WDR49: variants seen among roughly 807,000 people sequenced by gnomAD.
WDR49 encodes the protein WD repeat domain 49.
WDR49 carries 107 observed loss-of-function variants against 119.5 expected under a neutral mutation model. The observed-to-expected ratio is 0.90, with a 90% CI of 0.77 to 1.05. The LOEUF is 1.05. WDR49 is among the 50% of genes least tolerant of loss of function. The probability of loss-of-function intolerance (pLI) is 0.00; values close to 1 mark genes in which losing one functional copy is unlikely to be tolerated. For synonymous variants in WDR49, 425 were observed against 418.8 expected, an observed-to-expected ratio of 1.01 and a Z score of -0.18; for missense variants, 1,240 against 1,220.5, an observed-to-expected ratio of 1.02 and a Z score of -0.24.
chr3:167,534,151 C>T (rs1369211440), intron 11 of WDR49, among the ~76,000 whole-genome samples: 1 of 151,954 alleles, frequency 6.6e-6, no homozygotes, highest in African/African-American at 2.4e-5. Flanking sequence ...GCCGAGATTA[C>T]ACCATTGCAC....
At chr3:167,483,584 C>G (rs1220959756) in intron 18 of WDR49, among the ~76,000 whole-genome samples, 1 of 151,952 alleles carries the variant, frequency 6.6e-6, no homozygotes, top group Admixed American at 6.6e-5. Flanking sequence ...TGGTAGCTCT[C>G]TTTAGAAAAA....
intron 18 of WDR49, among the ~76,000 whole-genome samples, chr3:167,490,325 G>T (rs926819790): frequency 1.3e-5 from 2 of 152,052 alleles, no homozygotes; most frequent in African/African-American, 4.8e-5. Context: ...TGTGAATTTT[G>T]AGATAATTTA....
At chr3:167,535,748 A>G (rs1194986743) in intron 11 of WDR49, among the ~76,000 whole-genome samples, 1 of 152,174 alleles carries the variant, frequency 6.6e-6, no homozygotes. Flanking sequence ...AAGGAAATGA[A>G]ATCAGCATGT....
chr3:167,649,152 A>G (rs1718260162), intron 2 of WDR49, among the ~76,000 whole-genome samples: 1 of 152,086 alleles, frequency 6.6e-6, no homozygotes. Flanking sequence ...GGCAAGAAGG[A>G]AGATATAAGA....
At chr3:167,606,140 G>A (rs541398352) in intron 5 of WDR49, among the ~76,000 whole-genome samples, 1 of 152,136 alleles carries the variant, frequency 6.6e-6, no homozygotes, top group Non-Finnish European at 1.5e-5. Context: ...AAGTAGCAAA[G>A]CACTAGAATG....
rs141070141 is a variant in WDR49, at chr3:167,536,876, C to A, written c.1948G>T (p.Val650Phe). The A allele has an allele frequency of 1.4e-4, 210 of 1,502,572 alleles. No individual in the cohort carries two copies. Among genetic ancestry groups the A allele is most frequent in the Non-Finnish European group, 1.8e-4 (207 of 1,123,914 alleles). 93.1% of individuals were successfully genotyped at this position (1,502,572 alleles called of 1,614,324 possible). The change falls in exon 11 of 19, where the codon GTT becomes TTT. Residue 650 changes from valine to phenylalanine, a missense_variant. Val to Phe is a conservative substitution (Grantham distance 50). Transcript: ENST00000682715. ...AAGTGAAAGTTCAATTTACCCGTAA[C>A]AAGAGTTTGTGGAGGTAAAAACGCA... ...CAAFLPPQTLVTGSYDGEIVL... is the reference protein window; with the variant it reads ...CAAFLPPQTLFTGSYDGEIVL...
chr3:167,648,969 T>C (rs1286592350), intron 2 of WDR49, among the ~76,000 whole-genome samples: 3 of 152,216 alleles, frequency 2.0e-5, no homozygotes, highest in African/African-American at 4.8e-5. Context: ...TTGGATAGCA[T>C]AATATCCAAC....
chr3:167,600,702 G>C (rs1256307686), intron 7 of WDR49, among the ~76,000 whole-genome samples: 1 of 152,138 alleles, frequency 6.6e-6, no homozygotes, highest in African/African-American at 2.4e-5. Context: ...CACACAGAAA[G>C]AAACACCTAC....
chr3:167,640,062 T>C (rs1717807447), intron 2 of WDR49, among the ~76,000 whole-genome samples: 1 of 151,802 alleles, frequency 6.6e-6, no homozygotes, highest in Non-Finnish European at 1.5e-5. Context: ...TAAAGAAATT[T>C]GACTCCTAAC....
Position 167,522,332 on chromosome 3 carries a change from T to C in WDR49, c.2757A>G (p.Lys919=), listed in dbSNP as rs539214987. The change falls in exon 16 of 19, where the codon AAA becomes AAG. Residue 919 remains lysine, a synonymous_variant. Transcript: ENST00000682715. ...TEHSLLNKKN[K]DDSTYNVRPS... is the part of the protein sequence containing the mutation. Reference sequence around the variant, plus strand: ...TTACTTACTTGTATGTTGAGTCATCTTTGTTTTTCTTATTAAGTAGAGAAT... The same window carrying C: ...TTACTTACTTGTATGTTGAGTCATCCTTGTTTTTCTTATTAAGTAGAGAAT... 4 of 1,586,686 alleles carry C rather than the reference T, an allele frequency of 2.5e-6. No homozygotes were observed. The highest frequency in any genetic ancestry group is 2.3e-5 in the South Asian group (2 of 85,502).
intron 18 of WDR49, among the ~76,000 whole-genome samples, chr3:167,482,657 C>T (rs1360441729): frequency 4.2e-5 from 6 of 141,420 alleles, no homozygotes; most frequent in Admixed American, 7.3e-5. Flanking sequence ...CCAGCCTGGG[C>T]GACAGAACGA....
chr3:167,607,395 C>T (rs1716113490), intron 5 of WDR49, among the ~76,000 whole-genome samples: 1 of 152,144 alleles, frequency 6.6e-6, no homozygotes, highest in Non-Finnish European at 1.5e-5. Context: ...GCTTATCCCC[C>T]ATATGGAATT....
At chr3:167,527,095 G>A (rs1360386226) in intron 15 of WDR49, among the ~76,000 whole-genome samples, 1 of 152,122 alleles carries the variant, frequency 6.6e-6, no homozygotes, top group Non-Finnish European at 1.5e-5. Context: ...TTCATAGGCA[G>A]GAGCAAGTCA....
intron 7 of WDR49, among the ~76,000 whole-genome samples, chr3:167,589,411 G>T (rs1714992569): frequency 1.3e-5 from 2 of 152,064 alleles, no homozygotes; most frequent in African/African-American, 4.8e-5. Flanking sequence ...GATAGCCTTG[G>T]CTATTCTGGG....
chr3:167,651,341 A>G (rs2420024), intron 2 of WDR49, among the ~76,000 whole-genome samples: 46,653 of 152,074 alleles, frequency 0.31, 7,566 homozygotes, highest in African/African-American at 0.43. Flanking sequence ...TTTAGAGTTC[A>G]AAGTTGCAGG....
chr3:167,547,027 G>T (rs58146730), intron 10 of WDR49, among the ~76,000 whole-genome samples: 1 of 151,396 alleles, frequency 6.6e-6, no homozygotes, highest in African/African-American at 2.4e-5. Context: ...AATATAAATT[G>T]TATGTAAGAA....
chr3:167,532,951 A>G lies in WDR49; in HGVS notation c.1981T>C (p.Trp661Arg). ...TGAGCATTCTCTGTGCTATTGTTCC[A>G]TAGAACAATTTCTCCATCATAACTC... is the stretch of plus-strand genomic sequence containing the variant. ...TGSYDGEIVLWNNSTENAHHV... is the reference protein window; with the variant it reads ...TGSYDGEIVLRNNSTENAHHV... The change falls in exon 12 of 19, where the codon TGG (tryptophan) becomes CGG (arginine). Residue 661 changes from tryptophan to arginine, a missense_variant. Physicochemically the swap from Trp to Arg is moderately radical, Grantham distance 101. Transcript: ENST00000682715. 6.2e-7 allele frequency: 1 copy of G among 1,607,756 alleles called. No homozygotes were observed. The highest frequency in any genetic ancestry group is 2.2e-5 in the East Asian group (1 of 44,686).
At position 167,491,678 on chromosome 3, in the gene WDR49, A is replaced by G. The variant is rs571737350; in HGVS notation, c.3031+8475T>C. The stretch of plus-strand genomic sequence containing the variant: ...CTCCACACTGTTTCAAGTTTTAAAG[A>G]TTTTACAGATACAATGTGAATGGGT... On this transcript the variant is annotated intron_variant, in intron 18 of 18. Coordinates refer to ENST00000682715, the MANE Select transcript of WDR49 (RefSeq NM_001366157.1). 3.3e-5 allele frequency among the ~76,000 whole-genome samples: 5 copies of G among 152,284 alleles called. No individual in the cohort carries two copies. The East Asian group carries it at 9.6e-4, about 29-fold the overall frequency.
intron 13 of WDR49, 119 bp from the exon 14 acceptor site, chr3:167,529,358 C>A: frequency 1.3e-6 from 1 of 794,308 alleles, no homozygotes; most frequent in South Asian, 2.3e-5. Flanking sequence ...GCCCTGAGAT[C>A]AATTCCCAGC....
Sources: allele counts gnomAD v4.1 joint callset (sites outside exome capture counted in the v4.1 genomes callset), GRCh38; gene constraint gnomAD v4.1.1; transcripts MANE v1.5; gene names NCBI Gene and HGNC (gene_info 2026-07-23, HGNC 2026-07-21).